Variants in ATP8A2 observed in about 807,000 individuals in gnomAD.
The protein encoded by ATP8A2 is ATPase phospholipid transporting 8A2, also known as phospholipid-transporting ATPase IB.
In ATP8A2, 100 loss-of-function variants were observed where a neutral mutation model predicts 165.6. The observed-to-expected ratio is 0.60, with a 90% CI of 0.51 to 0.71. The LOEUF (loss-of-function observed/expected upper bound fraction) is 0.71. Among genes scored for constraint, ATP8A2 ranks in the 30% least tolerant of loss-of-function variants. The probability of loss-of-function intolerance (pLI) is 0.00; values close to 1 mark genes in which losing one functional copy is unlikely to be tolerated. For missense variants in ATP8A2, 1,227 were observed against 1,479.5 expected, an observed-to-expected ratio of 0.83 and a Z score of 2.80; for synonymous variants, 543 against 548.8, an observed-to-expected ratio of 0.99 and a Z score of 0.15.
chr13:25,852,124 G>A (rs181295753), intron 30 of ATP8A2, among the ~76,000 whole-genome samples: 149 of 152,304 alleles, frequency 9.8e-4, no homozygotes, highest in African/African-American at 3.4e-3. Flanking sequence ...TGTCTTCAGT[G>A]TATGTTCTCT....
chr13:25,945,586 A>G (rs538574172), intron 33 of ATP8A2, among the ~76,000 whole-genome samples: 19 of 152,344 alleles, frequency 1.2e-4, no homozygotes, highest in Non-Finnish European at 2.4e-4. Context: ...AACCACCACC[A>G]TGAACTTTGG....
chr13:25,885,937 A>G lies in ATP8A2; in HGVS notation c.3183+23529A>G, dbSNP rs544300689. On this transcript the variant is annotated intron_variant, in intron 33 of 36. Transcript: ENST00000381655. The stretch of plus-strand genomic sequence containing the variant: ...GATTTTTCAAAGAAAAGCAAAGGGA[A>G]TTGCAGGTTTGAAATTCTAGAGAGA... 1.3e-4 allele frequency among the ~76,000 whole-genome samples: 20 copies of G among 152,298 alleles called. 1 individual carries two copies. The South Asian group carries it at 3.7e-3, about 28-fold the overall frequency.
At chr13:25,812,164 T>C (rs965487078) in intron 27 of ATP8A2, among the ~76,000 whole-genome samples, 2 of 151,990 alleles carry the variant, frequency 1.3e-5, no homozygotes, top group African/African-American at 2.4e-5. Context: ...GTTTCAGTTT[T>C]CTCTGTGGTT....
intron 35 of ATP8A2, among the ~76,000 whole-genome samples, chr13:25,971,027 TGTGCGCGCACACATGCACGG>T (rs1955898893): frequency 6.6e-6 from 1 of 152,136 alleles, no homozygotes; most frequent in Admixed American, 6.6e-5. Flanking sequence ...TCTGTGCACG[TGTGCGCGCACACATGCACGG>T]GTGGGCCTGC....
intron 33 of ATP8A2, among the ~76,000 whole-genome samples, chr13:25,925,272 C>T (rs887989239): frequency 5.3e-5 from 8 of 152,238 alleles, no homozygotes; most frequent in Non-Finnish European, 7.4e-5. Flanking sequence ...TGTGGCTCAA[C>T]GCCTGTAATC....
Position 25,450,611 on chromosome 13 carries a change from A to T in ATP8A2, c.77-18366A>T, listed in dbSNP as rs573617420. 5.9e-5 allele frequency among the ~76,000 whole-genome samples: 9 copies of T among 151,886 alleles called. No homozygotes were observed. In the East Asian group the frequency reaches 1.2e-3, roughly 20 times the overall value. ...CAGTGGTGTGATCTCGGCTCACTGC[A>T]AGCTCCGCCTCCCGGGTTCACGCCA... On this transcript the variant is annotated intron_variant, in intron 1 of 36. Transcript: ENST00000381655.
chr13:25,755,788 T>TA, intron 25 of ATP8A2, among the ~76,000 whole-genome samples: 1 of 151,948 alleles, frequency 6.6e-6, no homozygotes, highest in Non-Finnish European at 1.5e-5. Context: ...GCATGTATAA[T>TA]CCCAGCTACT....
intron 27 of ATP8A2, among the ~76,000 whole-genome samples, chr13:25,805,054 T>TA (rs2138479454): frequency 6.6e-6 from 1 of 152,326 alleles, no homozygotes; most frequent in Non-Finnish European, 1.5e-5. Flanking sequence ...ATTTTCAGTC[T>TA]ATGTATTTTC....
intron 25 of ATP8A2, among the ~76,000 whole-genome samples, chr13:25,745,709 G>T (rs2044016561): frequency 6.6e-6 from 1 of 152,188 alleles, no homozygotes; most frequent in South Asian, 2.1e-4. Context: ...TAAGGATTGA[G>T]ATGACACTTG....
chr13:25,681,501 G>C (rs537973946), intron 24 of ATP8A2, among the ~76,000 whole-genome samples: 1 of 152,204 alleles, frequency 6.6e-6, no homozygotes, highest in Non-Finnish European at 1.5e-5. Context: ...GACGCTGCAG[G>C]GTTAGGGCAT....
At chr13:25,736,112 A>G (rs778756744) in intron 25 of ATP8A2, among the ~76,000 whole-genome samples, 9 of 152,220 alleles carry the variant, frequency 5.9e-5, no homozygotes, top group Non-Finnish European at 1.2e-4. Context: ...CCTAGGAGCA[A>G]TAGGCTGTAC....
At chr13:25,779,902 G>A (rs1002839182) in intron 27 of ATP8A2, among the ~76,000 whole-genome samples, 17 of 152,204 alleles carry the variant, frequency 1.1e-4, no homozygotes, top group Non-Finnish European at 2.1e-4. Context: ...CCTAAGGAGA[G>A]GGATTGAATA....
At chr13:25,919,590 G>A (rs1048073598) in intron 33 of ATP8A2, among the ~76,000 whole-genome samples, 6 of 152,050 alleles carry the variant, frequency 3.9e-5, no homozygotes, top group African/African-American at 9.7e-5. Context: ...TCACTTTAAG[G>A]GAAGTTTACC....
chr13:25,849,056 C>G (rs1951945738), intron 30 of ATP8A2, among the ~76,000 whole-genome samples: 1 of 152,066 alleles, frequency 6.6e-6, no homozygotes. Flanking sequence ...ATCCCGGCTG[C>G]TTTGAAACAG....
intron 35 of ATP8A2, among the ~76,000 whole-genome samples, chr13:26,010,822 G>A (rs1956829565): frequency 6.6e-6 from 1 of 152,244 alleles, no homozygotes; most frequent in Admixed American, 6.5e-5. Context: ...TCAGCCATGA[G>A]ACGTTTTGCC....
intron 27 of ATP8A2, among the ~76,000 whole-genome samples, chr13:25,800,530 TTTTGAC>T (rs1950600742): frequency 6.6e-6 from 1 of 152,234 alleles, no homozygotes; most frequent in Admixed American, 6.5e-5. Context: ...CAGCAACTCA[TTTTGAC>T]TTTAAAGGAG....
At chr13:25,642,573 C>G (rs529984684) in intron 24 of ATP8A2, among the ~76,000 whole-genome samples, 34 of 152,204 alleles carry the variant, frequency 2.2e-4, no homozygotes, top group African/African-American at 7.9e-4. Context: ...GAATGGTGAT[C>G]GTTAAAAAGT....
At chr13:25,762,268 C>CAAAAAAAAAAAAAAAA (rs59081934) in intron 25 of ATP8A2, among the ~76,000 whole-genome samples, 1 of 41,310 alleles carries the variant, frequency 2.4e-5, no homozygotes. Flanking sequence ...GACTCTGTCT[C>CAAAAAAAAAAAAAAAA]AAAAAAAAAA....
intron 1 of ATP8A2, among the ~76,000 whole-genome samples, chr13:25,455,358 C>T (rs946537134): frequency 1.3e-5 from 2 of 152,124 alleles, no homozygotes; most frequent in African/African-American, 4.8e-5. Flanking sequence ...AGCTTGGCAC[C>T]TTTCCATCAG....
Sources: allele counts gnomAD v4.1 joint callset (sites outside exome capture counted in the v4.1 genomes callset), GRCh38; gene constraint gnomAD v4.1.1; transcripts MANE v1.5; gene names NCBI Gene and HGNC (gene_info 2026-07-23, HGNC 2026-07-21).